Variants in ARHGAP10 observed in about 807,000 individuals in gnomAD.
ARHGAP10 encodes Rho GTPase activating protein 10.
A neutral mutation model predicts 108.6 loss-of-function variants in ARHGAP10; 87 were observed. The observed-to-expected ratio is 0.80, with a 90% CI of 0.67 to 0.96. The LOEUF (loss-of-function observed/expected upper bound fraction) is 0.96, where lower values mean the gene tolerates loss of function less well. Ranked by LOEUF, ARHGAP10 falls within the 40% of genes least tolerant of loss-of-function variation. ARHGAP10 has a pLI of 0.00. For missense variants in ARHGAP10, 939 were observed against 954.5 expected, an observed-to-expected ratio of 0.98 and a Z score of 0.21; for synonymous variants, 347 against 341.1, an observed-to-expected ratio of 1.02 and a Z score of -0.19.
chr4:147,782,243 A>G (rs1481482728), intron 1 of ARHGAP10, among the ~76,000 whole-genome samples: 2 of 152,142 alleles, frequency 1.3e-5, no homozygotes, highest in Non-Finnish European at 2.9e-5. Flanking sequence ...TTGGCACAGT[A>G]TGGTTGAAAG....
chr4:147,903,155 T>A (rs866353143), intron 10 of ARHGAP10, among the ~76,000 whole-genome samples: 101 of 152,286 alleles, frequency 6.6e-4, no homozygotes, highest in African/African-American at 2.4e-3. Flanking sequence ...CCAGTCTGCC[T>A]CCACAGCTTT....
intron 19 of ARHGAP10, among the ~76,000 whole-genome samples, chr4:148,025,991 CATT>C (rs931842571): frequency 1.3e-5 from 2 of 152,038 alleles, no homozygotes; most frequent in Non-Finnish European, 2.9e-5. Flanking sequence ...CCCCGTGACT[CATT>C]GTAGTGTAAG....
At chr4:147,939,795 A>G (rs757705994) in intron 13 of ARHGAP10, 30 bp from the exon 14 acceptor site, 25 of 1,582,728 alleles carry the variant, frequency 1.6e-5, no homozygotes, top group African/African-American at 1.3e-4. Flanking sequence ...ATAGTCTTCT[A>G]TTTTGCTAAT....
intron 13 of ARHGAP10, among the ~76,000 whole-genome samples, chr4:147,924,614 A>T (rs1737383909): frequency 6.6e-6 from 1 of 152,180 alleles, no homozygotes; most frequent in Non-Finnish European, 1.5e-5. Context: ...TAGGCATGCT[A>T]GGCTTTGTTT....
chr4:147,899,636 C>CT lies in ARHGAP10; in HGVS notation c.1035-6992dup, dbSNP rs995381891. ...CATTGCTCGTGTGCTCTATTAGAAA[C>CT]TTTTTTTTTTGGTGAACAGAAGAAA... is the stretch of plus-strand genomic sequence containing the variant. On this transcript the variant is annotated intron_variant, in intron 10 of 22. Coordinates refer to ENST00000336498, the MANE Select transcript of ARHGAP10 (RefSeq NM_024605.4). 6.1e-3 allele frequency among the ~76,000 whole-genome samples: 896 copies of CT among 148,020 alleles called. 7 individuals carry two copies. The highest frequency in any genetic ancestry group is 0.021 in the African/African-American group (858 of 40,570).
At chr4:148,047,156 C>T in intron 20 of ARHGAP10, 105 bp downstream of exon 20, 1 of 1,357,122 alleles carries the variant, frequency 7.4e-7, no homozygotes, top group Middle Eastern at 2.2e-4. Context: ...GCCATTAGAT[C>T]TAGGAGCCCT....
At chr4:148,011,657 G>T (rs1264017125) in intron 18 of ARHGAP10, among the ~76,000 whole-genome samples, 1 of 152,216 alleles carries the variant, frequency 6.6e-6, no homozygotes, top group Non-Finnish European at 1.5e-5. Context: ...CTGGGGCAGG[G>T]AGATAGACTC....
chr4:148,057,512 T>C (rs1002764781), intron 20 of ARHGAP10, among the ~76,000 whole-genome samples: 4 of 152,194 alleles, frequency 2.6e-5, no homozygotes, highest in Non-Finnish European at 4.4e-5. Context: ...AATAGGGTGG[T>C]TGGGAATAAG....
intron 3 of ARHGAP10, among the ~76,000 whole-genome samples, chr4:147,823,612 C>T (rs1001223447): frequency 1.3e-5 from 2 of 151,824 alleles, no homozygotes; most frequent in African/African-American, 4.8e-5. Flanking sequence ...CAAAAACTAG[C>T]CAGGCATGGT....
At chr4:147,763,392 A>G (rs1348400914) in intron 1 of ARHGAP10, among the ~76,000 whole-genome samples, 3 of 151,098 alleles carry the variant, frequency 2.0e-5, no homozygotes, top group Non-Finnish European at 4.4e-5. Flanking sequence ...GCTCACTGCA[A>G]CCTCCGCCTC....
chr4:147,973,697 C>T (rs1739495431), intron 18 of ARHGAP10, among the ~76,000 whole-genome samples: 1 of 152,184 alleles, frequency 6.6e-6, no homozygotes, highest in Non-Finnish European at 1.5e-5. Flanking sequence ...CACTACCCTC[C>T]CCAGCCTCTG....
At chr4:147,825,048 C>T (rs554706979) in intron 3 of ARHGAP10, among the ~76,000 whole-genome samples, 1 of 152,278 alleles carries the variant, frequency 6.6e-6, no homozygotes, top group African/African-American at 2.4e-5. Context: ...AACTGCCCTC[C>T]CTGTCACTGC....
At chr4:147,769,890 A>G (rs7673606) in intron 1 of ARHGAP10, among the ~76,000 whole-genome samples, 113,263 of 152,166 alleles carry the variant, frequency 0.74, 48,086 homozygotes, top group Non-Finnish European at 0.93. Context: ...AGGGACTGCC[A>G]CTTTTCTCTA....
In ARHGAP10 at chr4:147,809,534, C is replaced by T. The variant is rs141756739; in HGVS notation, c.155-13193C>T. Among the ~76,000 whole-genome samples, 31 of 152,314 alleles carry T rather than the reference C, an allele frequency of 2.0e-4. 1 individual carries two copies. The highest frequency in any genetic ancestry group is 2.0e-3 in the Admixed American group (31 of 15,298). ...TGGTTCTAGGTTGTTGATGAAGAAA[C>T]TAAAGCTCAGAAGCATTGTCACCTG... On this transcript the variant is annotated intron_variant, in intron 1 of 22. Coordinates refer to ENST00000336498, the MANE Select transcript of ARHGAP10 (RefSeq NM_024605.4).
intron 1 of ARHGAP10, among the ~76,000 whole-genome samples, chr4:147,802,522 A>G (rs908684625): frequency 1.3e-5 from 2 of 152,242 alleles, no homozygotes; most frequent in African/African-American, 4.8e-5. Flanking sequence ...CCTTTGGACC[A>G]TGTTTGTAGC....
At chr4:147,870,000 G>GTCTGTC (rs1560800875) in intron 7 of ARHGAP10, among the ~76,000 whole-genome samples, 1 of 134,566 alleles carries the variant, frequency 7.4e-6, no homozygotes, top group African/African-American at 3.1e-5. Flanking sequence ...GTCCCAGTTT[G>GTCTGTC]TGTGTGTGTG....
intron 1 of ARHGAP10, among the ~76,000 whole-genome samples, chr4:147,741,790 A>ACACACGCG (rs1354548677): frequency 1.2e-4 from 2 of 17,064 alleles, no homozygotes; most frequent in African/African-American, 2.6e-4. Context: ...ACACACACAC[A>ACACACGCG]CGCACACACA....
At chr4:147,776,881 TC>T (rs1438925866) in intron 1 of ARHGAP10, among the ~76,000 whole-genome samples, 2 of 152,216 alleles carry the variant, frequency 1.3e-5, no homozygotes, top group East Asian at 1.9e-4. Flanking sequence ...TCGAGGACTT[TC>T]GTTAGGACGA....
intron 1 of ARHGAP10, among the ~76,000 whole-genome samples, chr4:147,821,000 G>A (rs909134154): frequency 6.6e-6 from 1 of 152,054 alleles, no homozygotes; most frequent in African/African-American, 2.4e-5. Context: ...TCCATTGTGC[G>A]CTTTACTCAC....
Sources: allele counts gnomAD v4.1 joint callset (sites outside exome capture counted in the v4.1 genomes callset), GRCh38; gene constraint gnomAD v4.1.1; transcripts MANE v1.5; gene names NCBI Gene and HGNC (gene_info 2026-07-23, HGNC 2026-07-21).